PSAP: variants seen among roughly 807,000 people sequenced by gnomAD.
PSAP encodes the protein precursor of saposins.
PSAP carries 25 observed loss-of-function variants against 66.0 expected under a neutral mutation model. That is an observed-to-expected ratio of 0.38 (90% CI 0.28 to 0.53). PSAP has a LOEUF of 0.53. PSAP is among the 20% of genes least tolerant of loss of function. The pLI is 0.83. For synonymous variants in PSAP, 273 were observed against 258.9 expected, an observed-to-expected ratio of 1.05 and a Z score of -0.52; for missense variants, 649 against 668.8, an observed-to-expected ratio of 0.97 and a Z score of 0.33.
rs773659954 is a variant in PSAP, at chr10:71,819,833, T to A, written c.1073A>T (p.Gln358Leu). 8 of 1,614,150 alleles carry A rather than the reference T, an allele frequency of 5.0e-6. No homozygotes were observed. In the East Asian group the frequency reaches 1.6e-4, roughly 31 times the overall value. ...KLPKSLSEEC[Q>L]EVVDTYGSSI... is the part of the protein sequence containing the mutation. ...GCTGCCGTACGTGTCCACCACCTCCTGGCACTCTTCCGACAGGGACTTCGG... is the reference window on the plus strand; with the variant it reads ...GCTGCCGTACGTGTCCACCACCTCCAGGCACTCTTCCGACAGGGACTTCGG... The change falls in exon 10 of 14, where the codon CAG becomes CTG. Residue 358 changes from glutamine (Q) to leucine (L), a missense_variant. Physicochemically the swap from Gln to Leu is moderately radical, Grantham distance 113. Coordinates refer to ENST00000394936, the MANE Select transcript of PSAP (RefSeq NM_002778.4).
At chr10:71,835,355 G>A (rs1174266616) in intron 1 of PSAP, among the ~76,000 whole-genome samples, 1 of 152,156 alleles carries the variant, frequency 6.6e-6, no homozygotes, top group Admixed American at 6.5e-5. Flanking sequence ...GGCCGAGGTG[G>A]GGTCAGTTGA....
chr10:71,817,571 T>G, intron 13 of PSAP, 95 bp from the exon 14 acceptor site: 16 of 1,176,272 alleles, frequency 1.4e-5, no homozygotes, highest in Non-Finnish European at 1.9e-5. Flanking sequence ...ACAGGACCTG[T>G]TCTCTTGTCC....
At chr10:71,840,833 C>T (rs1283081713) in intron 1 of PSAP, among the ~76,000 whole-genome samples, 1 of 152,192 alleles carries the variant, frequency 6.6e-6, no homozygotes, top group Non-Finnish European at 1.5e-5. Flanking sequence ...AGGGAAATTA[C>T]CTTGTGCAGT....
At chr10:71,837,648 T>C (rs1487638264) in intron 1 of PSAP, among the ~76,000 whole-genome samples, 1 of 152,200 alleles carries the variant, frequency 6.6e-6, no homozygotes. Flanking sequence ...ACGATTTTCT[T>C]TACCCCAAAG....
intron 9 of PSAP, 149 bp from the exon 10 acceptor site, chr10:71,820,049 T>A (rs1378406878): frequency 1.1e-6 from 1 of 921,314 alleles, no homozygotes; most frequent in African/African-American, 1.6e-5. Flanking sequence ...AGCAGGGCAA[T>A]GGTGTCCACC....
At chr10:71,842,456 A>G (rs1310055124) in intron 1 of PSAP, among the ~76,000 whole-genome samples, 1 of 152,214 alleles carries the variant, frequency 6.6e-6, no homozygotes. Context: ...AACTTATAAG[A>G]TGTTAAATAT....
Position 71,817,071 on chromosome 10 carries a change from A to G in PSAP, c.*370T>C, listed in dbSNP as rs1842180904. On this transcript the variant is annotated 3_prime_UTR_variant, in exon 14 of 14. Coordinates refer to ENST00000394936, the MANE Select transcript of PSAP (RefSeq NM_002778.4). ...AGAAGCCCAGGCCCACCAGTGCCCAAGCACATGTCAGGGCTCAGAACAAGG... is the reference window on the plus strand; with the variant it reads ...AGAAGCCCAGGCCCACCAGTGCCCAGGCACATGTCAGGGCTCAGAACAAGG... 1.3e-5 allele frequency: 5 copies of G among 383,990 alleles called. No individual in the cohort carries two copies. The highest frequency in any genetic ancestry group is 1.3e-4 in the South Asian group (5 of 39,724). The allele number at this position is 383,990 out of a possible 1,614,324, so 23.8% of individuals were successfully genotyped here.
chr10:71,839,949 C>T (rs534953956), intron 1 of PSAP, among the ~76,000 whole-genome samples: 10 of 152,298 alleles, frequency 6.6e-5, no homozygotes, highest in Non-Finnish European at 1.3e-4. Context: ...TCAACGACCT[C>T]GCTTACAGAA....
intron 4 of PSAP, among the ~76,000 whole-genome samples, chr10:71,829,524 C>T (rs930927890): frequency 2.0e-5 from 3 of 152,200 alleles, no homozygotes; most frequent in East Asian, 1.9e-4. Flanking sequence ...TGTGGCTTTG[C>T]TCCTCCTTCA....
At chr10:71,843,869 T>C (rs1276305445) in intron 1 of PSAP, among the ~76,000 whole-genome samples, 3 of 152,228 alleles carry the variant, frequency 2.0e-5, no homozygotes, top group African/African-American at 7.2e-5. Flanking sequence ...TTACTTGCTT[T>C]TGGCAAATGT....
chr10:71,831,995 G>A, intron 2 of PSAP, 75 bp from the exon 3 acceptor site: 2 of 1,377,772 alleles, frequency 1.5e-6, no homozygotes, highest in Non-Finnish European at 2.1e-6. Flanking sequence ...ACTCCCCATG[G>A]CCTTTTCGCT....
rs1037657810 is a variant in PSAP, at chr10:71,821,961, T to C, written c.824A>G (p.Lys275Arg). The change falls in exon 8 of 14, where the codon AAA becomes AGA. Residue 275 changes from lysine (K) to arginine (R), a missense_variant. Transcript: ENST00000394936. ...CALVGFCDEV[K>R]EMPMQTLVPA... ...GACCAGAGTCTGCATGGGCATCTCTTTCACCTCATCACAGAACCCAACCAG... is the reference window on the plus strand; with the variant it reads ...GACCAGAGTCTGCATGGGCATCTCTCTCACCTCATCACAGAACCCAACCAG... 13 of 1,614,150 alleles carry C rather than the reference T, an allele frequency of 8.1e-6. No individual in the cohort carries two copies. The highest frequency in any genetic ancestry group is 1.1e-5 in the Non-Finnish European group (13 of 1,180,034).
At chr10:71,818,922 A>T in intron 12 of PSAP, 109 bp downstream of exon 12, 1 of 1,179,568 alleles carries the variant, frequency 8.5e-7, no homozygotes, top group Non-Finnish European at 1.2e-6. Flanking sequence ...CCCGCAGCAG[A>T]ACCCAGAGAC....
Position 71,817,321 on chromosome 10 carries a change from G to C in PSAP, c.*120C>G, listed in dbSNP as rs191704547. ...TACAATAAAGGACACAGAAATGGGG[G>C]AGGTGGGGGAGCCCTATTTTTATAA... is the stretch of plus-strand genomic sequence containing the variant. On this transcript the variant is annotated 3_prime_UTR_variant, in exon 14 of 14. Coordinates refer to ENST00000394936, the MANE Select transcript of PSAP (RefSeq NM_002778.4). The C allele has an allele frequency of 1.9e-6, 2 of 1,068,528 alleles. No individual in the cohort carries two copies. The highest frequency in any genetic ancestry group is 1.6e-5 in the African/African-American group (1 of 64,480). The allele number at this position is 1,068,528 out of a possible 1,614,324, so 66.2% of individuals were successfully genotyped here.
chr10:71,849,658 G>T (rs142347362), intron 1 of PSAP, among the ~76,000 whole-genome samples: 1 of 151,890 alleles, frequency 6.6e-6, no homozygotes. Flanking sequence ...GGCCAATAGC[G>T]TGCAAGACTT....
intron 1 of PSAP, among the ~76,000 whole-genome samples, chr10:71,849,960 T>A (rs981481904): frequency 3.3e-5 from 5 of 152,044 alleles, no homozygotes; most frequent in African/African-American, 1.2e-4. Flanking sequence ...AATCATACCC[T>A]ACAAACCATA....
intron 4 of PSAP, among the ~76,000 whole-genome samples, chr10:71,830,586 T>A (rs1352601075): frequency 6.6e-6 from 1 of 152,236 alleles, no homozygotes; most frequent in African/African-American, 2.4e-5. Context: ...GGGAAAGTCC[T>A]GCCCCACTGG....
intron 2 of PSAP, among the ~76,000 whole-genome samples, chr10:71,833,016 C>CAAAAAAAAAAAAAAAAAAAAA (rs781415981): frequency 2.0e-5 from 1 of 50,704 alleles, no homozygotes; most frequent in Non-Finnish European, 3.6e-5. Context: ...GAGTCCATCT[C>CAAAAAAAAAAAAAAAAAAAAA]AAAAAAAAAA....
chr10:71,833,963 T>G (rs987744036), intron 2 of PSAP, among the ~76,000 whole-genome samples: 1 of 152,208 alleles, frequency 6.6e-6, no homozygotes, highest in African/African-American at 2.4e-5. Context: ...ATTTACTTTT[T>G]GGAGTGAGTG....
Sources: allele counts gnomAD v4.1 joint callset (sites outside exome capture counted in the v4.1 genomes callset), GRCh38; gene constraint gnomAD v4.1.1; transcripts MANE v1.5; gene names NCBI Gene and HGNC (gene_info 2026-07-23, HGNC 2026-07-21).